ENO3: variants seen among roughly 807,000 people sequenced by gnomAD.
ENO3 encodes the protein beta-enolase.
Under a neutral mutation model 47.7 loss-of-function variants are expected in ENO3, and 46 were observed. The observed-to-expected ratio is 0.96, with a 90% CI of 0.76 to 1.23. The LOEUF (loss-of-function observed/expected upper bound fraction) is 1.23, where lower values mean the gene tolerates loss of function less well. ENO3 is among the 50% of genes most tolerant of loss of function. ENO3 has a pLI of 0.00. For synonymous variants in ENO3, 223 were observed against 225.9 expected (o/e 0.99, Z 0.11); for missense variants, 575 against 566.2 (o/e 1.02, Z -0.16).
chr17:4,951,083 T>G, upstream of ENO3: 1 of 985,810 alleles, frequency 1.0e-6, no homozygotes, highest in African/African-American at 1.8e-5. Context: ...ACCGAGTGGC[T>G]CAGGGATAAA....
chr17:4,955,779 C>G lies in ENO3; in HGVS notation c.866-163C>G. On this transcript the variant is annotated intron_variant, in intron 8 of 11. Transcript: ENST00000519602. ...CCCTCCATGAGGCTCCTTCTGACCT[C>G]TAGCCGTGTCTCTGCCCTGTCTCTG... The G allele has an allele frequency of 5.4e-6, 7 of 1,286,480 alleles. No individual in the cohort carries two copies. In the South Asian group the frequency reaches 6.1e-5, roughly 11 times the overall value. The allele number at this position is 1,286,480 out of a possible 1,614,324, so 79.7% of individuals were successfully genotyped here. A position where few individuals can be genotyped will look rare whatever the true frequency, so the allele number is the denominator to read the frequency against.
intron 6 of ENO3, 88 bp downstream of exon 6, chr17:4,953,933 T>A: frequency 6.3e-7 from 1 of 1,595,560 alleles, no homozygotes; most frequent in Admixed American, 1.7e-5. Context: ...AAAATCCACC[T>A]TTCAGACCAG....
chr17:4,952,545 G>A (rs563896406), intron 2 of ENO3, among the ~76,000 whole-genome samples: 1 of 152,014 alleles, frequency 6.6e-6, no homozygotes, highest in Non-Finnish European at 1.5e-5. Context: ...GGATTGTCTC[G>A]ATCTCCTGAT....
chr17:4,953,845 A>G lies in ENO3; in HGVS notation c.444A>G (p.Pro148=). The change falls in exon 6 of 12, where the codon CCA becomes CCG. Residue 148 remains proline (P), a splice_region_variant and synonymous_variant. Transcript: ENST00000519602. ...ACCCTGACCTCATACTCCCAGTGCCAGTGAGTGCAGCTACCCGCCCTTCCC... is the reference window on the plus strand; with the variant it reads ...ACCCTGACCTCATACTCCCAGTGCCGGTGAGTGCAGCTACCCGCCCTTCCC... ...AGNPDLILPV[P]AFNVINGGSH... is the part of the protein sequence containing the mutation. 1 of 1,614,120 alleles carries G rather than the reference A, an allele frequency of 6.2e-7. No individual in the cohort carries two copies.
At chr17:4,954,951 C>G in intron 6 of ENO3, 124 bp from the exon 7 acceptor site, 1 of 668,746 alleles carries the variant, frequency 1.5e-6, no homozygotes, top group Non-Finnish European at 2.5e-6. Context: ...AGCAAAACTA[C>G]TCATCCTAGA....
chr17:4,950,690 G>C (rs1033311144), upstream of ENO3: 1 of 983,836 alleles, frequency 1.0e-6, no homozygotes, highest in Non-Finnish European at 1.2e-6. Flanking sequence ...TGAGGACAGA[G>C]GCCCGCCCAG....
At position 4,957,071 on chromosome 17, in the gene ENO3, A is replaced by G. The variant is rs1332865943; in HGVS notation, c.*24A>G. 1.9e-6 allele frequency: 3 copies of G among 1,613,604 alleles called. No individual in the cohort carries two copies. The highest frequency in any genetic ancestry group is 2.2e-5 in the East Asian group (1 of 44,896). On this transcript the variant is annotated 3_prime_UTR_variant, in exon 12 of 12. Transcript: ENST00000519602. ...GAGAAGCTGGAGGCTCCAGGACTCC[A>G]CTGGACAGACCCAGGTCTTCCAGAC...
upstream of ENO3, among the ~76,000 whole-genome samples, chr17:4,949,725 G>T (rs561888119): frequency 6.6e-6 from 1 of 152,314 alleles, no homozygotes; most frequent in African/African-American, 2.4e-5. Context: ...GGGTCACCGA[G>T]CGCGGCCCGG....
In ENO3 at chr17:4,953,273, A is replaced by G. The variant is rs762343282; in HGVS notation, c.242A>G (p.Lys81Arg). Reference protein sequence around the residue: ...NTLGPALLQKKLSVVDQEKVD... With the variant: ...NTLGPALLQKRLSVVDQEKVD... ...CCCTTCTCAAACTCACCCTTCCAGA[A>G]ACTAAGCGTTGTGGATCAAGAAAAA... The change falls in exon 5 of 12, where the codon AAA (lysine) becomes AGA (arginine). Residue 81 changes from lysine to arginine, a missense_variant and splice_region_variant. Physicochemically the swap from Lys to Arg is conservative, Grantham distance 26. Transcript: ENST00000519602. The G allele has an allele frequency of 6.2e-7, 1 of 1,614,198 alleles. No individual in the cohort carries two copies.
upstream of ENO3, chr17:4,948,981 G>C (rs949908519): frequency 6.6e-6 from 1 of 151,912 alleles, no homozygotes; most frequent in Non-Finnish European, 1.5e-5. Context: ...GGCGGCGCGT[G>C]TGCCCGCGCC....
intron 6 of ENO3, 97 bp from the exon 7 acceptor site, chr17:4,954,978 T>C: frequency 9.3e-7 from 1 of 1,076,978 alleles, no homozygotes. Context: ...AGCTAGTAAG[T>C]AGGGAAGCCA....
Position 4,952,798 on chromosome 17 carries a change from G to A in ENO3, c.89G>A (p.Arg30Gln), listed in dbSNP as rs267604959. 16 of 1,608,882 alleles carry A rather than the reference G, an allele frequency of 9.9e-6. No individual in the cohort carries two copies. The highest frequency in any genetic ancestry group is 2.7e-5 in the African/African-American group (2 of 75,006). The change falls in exon 3 of 12, where the codon CGA (arginine) becomes CAA (glutamine). Residue 30 changes from arginine (R) to glutamine (Q), a missense_variant. Coordinates refer to ENST00000519602, the MANE Select transcript of ENO3 (RefSeq NM_053013.4). ...CTTCCAATTCCTCCTGTCCCAGGCCGATTCCGAGCAGCTGTGCCCAGTGGG... is the reference window on the plus strand; with the variant it reads ...CTTCCAATTCCTCCTGTCCCAGGCCAATTCCGAGCAGCTGTGCCCAGTGGG... The part of the protein sequence containing the change: ...VEVDLHTAKG[R>Q]FRAAVPSGAS...
chr17:4,955,431 T>A lies in ENO3; in HGVS notation c.692T>A (p.Ile231Asn). 1 of 1,614,220 alleles carries A rather than the reference T, an allele frequency of 6.2e-7. No homozygotes were observed. The highest frequency in any genetic ancestry group is 2.2e-5 in the East Asian group (1 of 44,878). The change falls in exon 8 of 12, where the codon ATC becomes AAC. Residue 231 changes from isoleucine to asparagine, a missense_variant. Transcript: ENST00000519602. Reference protein sequence around the residue: ...NEALELLKTAIQAAGYPDKVV... With the variant: ...NEALELLKTANQAAGYPDKVV... ...GCCCTGGAGCTGCTGAAGACGGCCATCCAGGCGGCTGGTTACCCAGACAAG... is the reference window on the plus strand; with the variant it reads ...GCCCTGGAGCTGCTGAAGACGGCCAACCAGGCGGCTGGTTACCCAGACAAG...
intron 2 of ENO3, chr17:4,952,211 C>T (rs1971560984): frequency 2.2e-6 from 1 of 454,898 alleles, no homozygotes; most frequent in Non-Finnish European, 4.2e-6. Context: ...GAGTCTCGCT[C>T]TGTGGCCCGG....
chr17:4,954,895 CAAA>C (rs375176343), intron 6 of ENO3, among the ~76,000 whole-genome samples, 177 bp from the exon 7 acceptor site: 2 of 64,662 alleles, frequency 3.1e-5, no homozygotes, highest in Non-Finnish European at 3.2e-5. Context: ...GACTCCGTCT[CAAA>C]AAAAAAAAAA....
chr17:4,950,908 G>A (rs1040834724), upstream of ENO3, among the ~76,000 whole-genome samples: 7 of 152,230 alleles, frequency 4.6e-5, no homozygotes, highest in Non-Finnish European at 1.0e-4. Flanking sequence ...ATTAGAACAG[G>A]GACTGTTATT....
At chr17:4,952,492 T>G in intron 2 of ENO3, 1 of 378,666 alleles carries the variant, frequency 2.6e-6, no homozygotes, top group South Asian at 2.2e-5. Flanking sequence ...TACAGCTAAT[T>G]TTTTGTATTT....
Position 4,955,003 on chromosome 17 carries a change from C to T in ENO3, c.445-72C>T, listed in dbSNP as rs548491100. The T allele has an allele frequency of 1.8e-5, 26 of 1,412,608 alleles. No homozygotes were observed. In the South Asian group the frequency reaches 3.1e-4, roughly 17 times the overall value. The allele number at this position is 1,412,608 out of a possible 1,614,324, so 87.5% of individuals were successfully genotyped here. On this transcript the variant is annotated intron_variant, in intron 6 of 11. Transcript: ENST00000519602. ...TAGGGAAGCCAGGTTTCCACCCCAACACCCCCCGCCCCTGTCCCTTCTTGA... is the reference window on the plus strand; with the variant it reads ...TAGGGAAGCCAGGTTTCCACCCCAATACCCCCCGCCCCTGTCCCTTCTTGA...
chr17:4,955,248 T>C lies in ENO3; in HGVS notation c.618T>C (p.Asn206=), dbSNP rs576872966. 5.6e-6 allele frequency: 9 copies of C among 1,614,246 alleles called. No individual in the cohort carries two copies. Among genetic ancestry groups the C allele is most frequent in the Admixed American group, 3.3e-5 (2 of 60,032 alleles). Residue 206 remains asparagine, a synonymous_variant, in exon 7 of 12, where the codon AAT becomes AAC. Transcript: ENST00000519602. ...CCAAGTATGGGAAGGATGCCACCAATGTGGGTGATGAAGGTGGCTTCGCAC... is the reference window on the plus strand; with the variant it reads ...CCAAGTATGGGAAGGATGCCACCAACGTGGGTGATGAAGGTGGCTTCGCAC... ...IKAKYGKDAT[N]VGDEGGFAPN...
Sources: gnomAD v4.1 joint callset for allele counts (sites outside exome capture counted in the v4.1 genomes callset) on GRCh38, gnomAD v4.1.1 for gene constraint, MANE v1.5 for transcripts, NCBI Gene and HGNC (gene_info 2026-07-23, HGNC 2026-07-21) for gene names.